ROBO1: variants seen among roughly 807,000 people sequenced by gnomAD.
The protein encoded by ROBO1 is roundabout guidance receptor 1, also known as roundabout homolog 1.
Under a neutral mutation model 195.9 loss-of-function variants are expected in ROBO1, and 149 were observed. The observed-to-expected ratio is 0.76, with a 90% CI of 0.67 to 0.87. The LOEUF is 0.87. Ranked by LOEUF, ROBO1 falls within the 40% of genes least tolerant of loss-of-function variation. ROBO1 has a pLI of 0.00. For synonymous variants in ROBO1, 816 were observed against 733.2 expected (o/e 1.11, Z -1.82); for missense variants, 1,933 against 2,068.3 (o/e 0.93, Z 1.27).
chr3:79,337,854 A>G (rs2034740389), intron 2 of ROBO1, among the ~76,000 whole-genome samples: 1 of 152,232 alleles, frequency 6.6e-6, no homozygotes, highest in African/African-American at 2.4e-5. Context: ...GACTATTATA[A>G]TAATTTTAAA....
chr3:79,031,072 G>A (rs1299781025), intron 3 of ROBO1, among the ~76,000 whole-genome samples: 2 of 152,168 alleles, frequency 1.3e-5, no homozygotes, highest in Non-Finnish European at 2.9e-5. Context: ...GGGTAATAAA[G>A]GTGATATGTG....
At chr3:78,630,605 T>G (rs1705121172) in intron 25 of ROBO1, among the ~76,000 whole-genome samples, 1 of 152,216 alleles carries the variant, frequency 6.6e-6, no homozygotes, top group Non-Finnish European at 1.5e-5. Context: ...GGTGGTACCA[T>G]GTCCAGTTCT....
At chr3:79,575,293 T>C (rs1405156671) in intron 2 of ROBO1, among the ~76,000 whole-genome samples, 2 of 124,624 alleles carry the variant, frequency 1.6e-5, no homozygotes, top group Non-Finnish European at 3.2e-5. Context: ...TAAATATATA[T>C]AACAAATATA....
chr3:78,645,729 T>C (rs1378688846), intron 21 of ROBO1, among the ~76,000 whole-genome samples: 2 of 152,112 alleles, frequency 1.3e-5, no homozygotes, highest in Non-Finnish European at 2.9e-5. Flanking sequence ...GTTGAATTCA[T>C]AACAAGAATA....
At chr3:78,846,340 A>G (rs112990327) in intron 4 of ROBO1, among the ~76,000 whole-genome samples, 2,586 of 152,214 alleles carry the variant, frequency 0.017, 33 homozygotes, top group Middle Eastern at 0.034. Flanking sequence ...AGTCTTATAA[A>G]TCAGCAGCCA....
chr3:78,853,110 A>G (rs2034176175), intron 4 of ROBO1, among the ~76,000 whole-genome samples: 1 of 152,084 alleles, frequency 6.6e-6, no homozygotes, highest in South Asian at 2.1e-4. Context: ...GATAGTAAAC[A>G]TTTGGCACTT....
intron 1 of ROBO1, among the ~76,000 whole-genome samples, chr3:79,618,934 C>G (rs145411158): frequency 6.6e-6 from 1 of 152,186 alleles, no homozygotes. Flanking sequence ...TATCCGTGGA[C>G]CCAAAACTCC....
intron 2 of ROBO1, among the ~76,000 whole-genome samples, chr3:79,356,941 G>T (rs1172016378): frequency 6.6e-6 from 1 of 152,108 alleles, no homozygotes; most frequent in Non-Finnish European, 1.5e-5. Flanking sequence ...AATGTTCTCT[G>T]TTCCTGGGAA....
intron 2 of ROBO1, among the ~76,000 whole-genome samples, chr3:79,440,379 G>A (rs1381495326): frequency 6.6e-6 from 1 of 152,074 alleles, no homozygotes; most frequent in Non-Finnish European, 1.5e-5. Context: ...AATACATCAT[G>A]ATCTTGCATA....
chr3:79,534,088 T>A (rs1941760586), intron 2 of ROBO1, among the ~76,000 whole-genome samples: 1 of 147,492 alleles, frequency 6.8e-6, no homozygotes, highest in African/African-American at 2.5e-5. Flanking sequence ...TAGGTATTGT[T>A]GGATTTGAAG....
At chr3:78,661,484 A>G (rs13093540) in intron 15 of ROBO1, among the ~76,000 whole-genome samples, 27,610 of 152,162 alleles carry the variant, frequency 0.18, 3,098 homozygotes, top group East Asian at 0.49. Context: ...CAGCTAAAAC[A>G]TTCAAATAAG....
At chr3:79,108,576 C>G (rs2079827625) in intron 3 of ROBO1, among the ~76,000 whole-genome samples, 1 of 151,626 alleles carries the variant, frequency 6.6e-6, no homozygotes, top group African/African-American at 2.4e-5. Context: ...TGTATCACTA[C>G]TGTTAGTAGA....
intron 10 of ROBO1, among the ~76,000 whole-genome samples, chr3:78,679,866 A>G (rs1284582338): frequency 5.3e-5 from 8 of 152,070 alleles, no homozygotes; most frequent in Non-Finnish European, 8.8e-5. Flanking sequence ...AAGAGCCCGC[A>G]TCGCCAAGTC....
intron 2 of ROBO1, among the ~76,000 whole-genome samples, chr3:79,362,413 G>T (rs994611064): frequency 6.6e-6 from 1 of 152,224 alleles, no homozygotes; most frequent in South Asian, 2.1e-4. Flanking sequence ...AGCTACAGAA[G>T]AGGAGAGGTT....
chr3:78,838,579 A>G (rs1450362975), intron 4 of ROBO1, among the ~76,000 whole-genome samples: 1 of 152,076 alleles, frequency 6.6e-6, no homozygotes, highest in Non-Finnish European at 1.5e-5. Flanking sequence ...GTAGGAGGGG[A>G]AGCAAGAGAG....
intron 2 of ROBO1, among the ~76,000 whole-genome samples, chr3:79,379,237 G>A (rs893143092): frequency 4.6e-5 from 7 of 152,126 alleles, no homozygotes; most frequent in African/African-American, 1.2e-4. Flanking sequence ...TCTCGATTAC[G>A]TTTCATGCTC....
At chr3:79,218,986 T>C (rs1222204358) in intron 2 of ROBO1, among the ~76,000 whole-genome samples, 1 of 151,998 alleles carries the variant, frequency 6.6e-6, no homozygotes, top group Non-Finnish European at 1.5e-5. Context: ...ATAAACTATA[T>C]TAAACTGCTC....
chr3:78,858,472 T>C lies in ROBO1; in HGVS notation c.499+80129A>G, dbSNP rs1468711766. Among the ~76,000 whole-genome samples, 5 of 149,182 alleles carry C rather than the reference T, an allele frequency of 3.4e-5. No homozygotes were observed. In the East Asian group the frequency reaches 9.9e-4, roughly 30 times the overall value. ...GGTGAGATGCAGTGGCTCACACTTGTAATCTCAGGACTTTGGGAGGCCTAG... is the reference window on the plus strand; with the variant it reads ...GGTGAGATGCAGTGGCTCACACTTGCAATCTCAGGACTTTGGGAGGCCTAG... On this transcript the variant is annotated intron_variant, in intron 4 of 30. Transcript: ENST00000464233.
chr3:79,454,871 G>T (rs2039566027), intron 2 of ROBO1, among the ~76,000 whole-genome samples: 1 of 152,034 alleles, frequency 6.6e-6, no homozygotes. Flanking sequence ...CACAGAATTT[G>T]TTATCTAACA....
Sources: gnomAD v4.1 joint callset for allele counts (sites outside exome capture counted in the v4.1 genomes callset) on GRCh38, gnomAD v4.1.1 for gene constraint, MANE v1.5 for transcripts, NCBI Gene and HGNC (gene_info 2026-07-23, HGNC 2026-07-21) for gene names.